The following IGSF9B variants were observed in gnomAD, a reference collection of about 807,000 sequenced individuals.
IGSF9B encodes the protein immunoglobulin superfamily member 9B.
A neutral mutation model predicts 143.7 loss-of-function variants in IGSF9B; 48 were observed. The observed-to-expected ratio is 0.33, with a 90% CI of 0.26 to 0.42. The LOEUF (loss-of-function observed/expected upper bound fraction) is 0.42. IGSF9B is among the 20% of genes least tolerant of loss of function. The pLI, the probability that IGSF9B is intolerant of heterozygous loss-of-function variation, is 1.00. For missense variants in IGSF9B, 1,706 were observed against 1,980.0 expected (o/e 0.86, Z 2.63); for synonymous variants, 903 against 833.1 (o/e 1.08, Z -1.44).
At chr11:133,919,544 G>C (rs1186142771) in intron 18 of IGSF9B, among the ~76,000 whole-genome samples, 198 bp downstream of exon 18, 1 of 152,200 alleles carries the variant, frequency 6.6e-6, no homozygotes, top group Non-Finnish European at 1.5e-5. Context: ...AGGGCACCTG[G>C]GCAGGTGGGC....
chr11:133,934,925 T>G (rs1220742475), intron 7 of IGSF9B, among the ~76,000 whole-genome samples: 1 of 152,114 alleles, frequency 6.6e-6, no homozygotes. Flanking sequence ...CATCCACAAA[T>G]CAAAAGGAAG....
In IGSF9B at chr11:133,908,883, C is replaced by T. The variant is rs1332169492; in HGVS notation, c.*186G>A. 1 of 590,650 alleles carries T rather than the reference C, an allele frequency of 1.7e-6. No individual in the cohort carries two copies. Among genetic ancestry groups the T allele is most frequent in the East Asian group, 2.8e-5 (1 of 35,650 alleles). 36.6% of individuals were successfully genotyped at this position (590,650 alleles called of 1,614,324 possible). On this transcript the variant is annotated 3_prime_UTR_variant, in exon 20 of 20. Coordinates refer to ENST00000533871, the MANE Select transcript of IGSF9B (RefSeq NM_001277285.4). ...TCGACCCACAGGTGGAAGGTGTGCC[C>T]ACCCTCCGTCCTGAAGACAGGCGGC...
In IGSF9B at chr11:133,907,032, C is replaced by G. The variant is rs1000081660; in HGVS notation, c.*2037G>C. 1.3e-5 allele frequency among the ~76,000 whole-genome samples: 2 copies of G among 152,156 alleles called. No individual in the cohort carries two copies. Among genetic ancestry groups the G allele is most frequent in the African/African-American group, 4.8e-5 (2 of 41,438 alleles). On this transcript the variant is annotated 3_prime_UTR_variant, in exon 20 of 20. Transcript: ENST00000533871. ...GCTCTTCCATCTCGCAGAGCTGGTGCCCAGTGGTCAAGTGGATTCCAACGC... is the reference window on the plus strand; with the variant it reads ...GCTCTTCCATCTCGCAGAGCTGGTGGCCAGTGGTCAAGTGGATTCCAACGC...
rs1372403357 is a variant in IGSF9B at position 133,907,865 on chromosome 11, G to A, written c.*1204C>T. Among the ~76,000 whole-genome samples, 1 of 152,224 alleles carries A rather than the reference G, an allele frequency of 6.6e-6. No homozygotes were observed. The highest frequency in any genetic ancestry group is 1.5e-5 in the Non-Finnish European group (1 of 68,028). On this transcript the variant is annotated 3_prime_UTR_variant, in exon 20 of 20. Coordinates refer to ENST00000533871, the MANE Select transcript of IGSF9B (RefSeq NM_001277285.4). ...CCCCTGCAGCTCAGGTCCACCGGAGGACGAAGGCCCCGGGGCAGAGAAGAG... is the reference window on the plus strand; with the variant it reads ...CCCCTGCAGCTCAGGTCCACCGGAGAACGAAGGCCCCGGGGCAGAGAAGAG...
In IGSF9B at chr11:133,931,810, C is replaced by A; in HGVS notation, c.1111-15G>T. 6.2e-7 allele frequency: 1 copy of A among 1,610,406 alleles called. No individual in the cohort carries two copies. Among genetic ancestry groups the A allele is most frequent in the African/African-American group, 1.3e-5 (1 of 74,812 alleles). On this transcript the variant is annotated splice_polypyrimidine_tract_variant and intron_variant, in intron 8 of 19. Coordinates refer to ENST00000533871, the MANE Select transcript of IGSF9B (RefSeq NM_001277285.4). This position sits in a 1 kb window ranked among gnomAD's most constrained non-coding sequence, Gnocchi z 7.7. ...CAACCGAGGTTCTGCCAGACACAGA[C>A]GATAGGGCAGGGAACGCTGGTCAGA...
chr11:133,918,576 C>T (rs893849840), intron 18 of IGSF9B, among the ~76,000 whole-genome samples: 1 of 152,166 alleles, frequency 6.6e-6, no homozygotes, highest in Non-Finnish European at 1.5e-5. Flanking sequence ...AGCCCCGCAC[C>T]CCCTTCCTCG....
In IGSF9B at chr11:133,909,242, A is replaced by G. The variant is rs895993740; in HGVS notation, c.4141T>C (p.Ser1381Pro). ...SASQTQQLPN[S>P]QVLWPDEAVC... Reference sequence around the variant, plus strand: ...GCTTCATCGGGCCACAGAACCTGAGAGTTGGGAAGCTGCTGAGTCTGGGAG... The same window carrying G: ...GCTTCATCGGGCCACAGAACCTGAGGGTTGGGAAGCTGCTGAGTCTGGGAG... The change falls in exon 20 of 20, where the codon TCT (serine) becomes CCT (proline). Residue 1381 changes from serine to proline, a missense_variant. Physicochemically the swap from Ser to Pro is moderately conservative, Grantham distance 74 (BLOSUM62 -1). Transcript: ENST00000533871. The surrounding 1 kb of genome is among the most constrained non-coding windows in gnomAD (Gnocchi z 4.2). 2 of 1,535,746 alleles carry G rather than the reference A, an allele frequency of 1.3e-6. No homozygotes were observed. Among genetic ancestry groups the G allele is most frequent in the Non-Finnish European group, 1.7e-6 (2 of 1,146,746 alleles).
At chr11:133,933,214 A>T (rs1284853117) in intron 7 of IGSF9B, among the ~76,000 whole-genome samples, 3 of 152,076 alleles carry the variant, frequency 2.0e-5, no homozygotes, top group Non-Finnish European at 2.9e-5. Context: ...GGTCCTCTCA[A>T]TGTCCATTTC....
In IGSF9B at chr11:133,907,539, G is replaced by A. The variant is rs369579133; in HGVS notation, c.*1530C>T. ...GGGCTCCTACACAAGAGTGGGGGAG[G>A]GGCAGATCTCCCCTCCACCCCGCCC... On this transcript the variant is annotated 3_prime_UTR_variant, in exon 20 of 20. Transcript: ENST00000533871. Among the ~76,000 whole-genome samples the A allele has an allele frequency of 2.2e-4, 33 of 152,278 alleles. No individual in the cohort carries two copies. In the East Asian group the frequency reaches 6.0e-3, roughly 28 times the overall value.
chr11:133,929,440 C>T (rs1170219261), intron 12 of IGSF9B, among the ~76,000 whole-genome samples: 1 of 152,120 alleles, frequency 6.6e-6, no homozygotes, highest in Non-Finnish European at 1.5e-5. Context: ...ACAGAGAGGC[C>T]CAGACCCCTC....
intron 6 of IGSF9B, 106 bp from the exon 7 acceptor site, chr11:133,935,868 C>G: frequency 6.9e-7 from 1 of 1,452,078 alleles, no homozygotes; most frequent in South Asian, 1.3e-5. Flanking sequence ...AGCCCATGCC[C>G]CTGGCATCCC....
rs1939256569 is a variant in IGSF9B at position 133,908,949 on chromosome 11, G to A, written c.*120C>T. ...GACACCCGCTCTGGCAAAAGAGGGGGCATGCAGGACAAAGGTCTGGGCCGC... is the reference window on the plus strand; with the variant it reads ...GACACCCGCTCTGGCAAAAGAGGGGACATGCAGGACAAAGGTCTGGGCCGC... On this transcript the variant is annotated 3_prime_UTR_variant, in exon 20 of 20. Coordinates refer to ENST00000533871, the MANE Select transcript of IGSF9B (RefSeq NM_001277285.4). 4.9e-6 allele frequency: 4 copies of A among 814,172 alleles called. No individual in the cohort carries two copies. The highest frequency in any genetic ancestry group is 7.7e-6 in the Non-Finnish European group (4 of 521,652). The allele number at this position is 814,172 out of a possible 1,614,324, so 50.4% of individuals were successfully genotyped here.
At chr11:133,952,121 C>T (rs1380945440) in intron 1 of IGSF9B, 1 of 444,994 alleles carries the variant, frequency 2.2e-6, no homozygotes, top group Admixed American at 2.4e-5. Context: ...TCTCCAGAGC[C>T]CTCTTGGAGG....
chr11:133,937,236 G>A (rs912847166), intron 5 of IGSF9B, 140 bp downstream of exon 5: 6 of 597,070 alleles, frequency 1.0e-5, no homozygotes, highest in South Asian at 2.3e-5. Flanking sequence ...CAGCACACAG[G>A]AGCCCCGCAC....
rs181994789 is a variant in IGSF9B at position 133,953,805 on chromosome 11, C to T, written c.64+2886G>A. The stretch of plus-strand genomic sequence containing the variant: ...AACTCCCCCGGGCTGGCTCAGCAGC[C>T]GTCTGAGATACTGAGTGCACACCAA... On this transcript the variant is annotated intron_variant, in intron 1 of 19. Coordinates refer to ENST00000533871, the MANE Select transcript of IGSF9B (RefSeq NM_001277285.4). This position sits in a 1 kb window ranked among gnomAD's most constrained non-coding sequence, Gnocchi z 4.2. Among the ~76,000 whole-genome samples the T allele has an allele frequency of 2.6e-3, 398 of 152,156 alleles. 1 individual carries two copies. The highest frequency in any genetic ancestry group is 6.0e-3 in the Admixed American group (92 of 15,292).
chr11:133,921,537 G>T, intron 17 of IGSF9B, 140 bp from the exon 18 acceptor site: 1 of 620,898 alleles, frequency 1.6e-6, no homozygotes, highest in Non-Finnish European at 2.6e-6. Context: ...GGTGTGAAAT[G>T]CTTTGGCCAA....
rs147076577 is a variant in IGSF9B, at chr11:133,907,607, C to A, written c.*1462G>T. 6.6e-6 allele frequency among the ~76,000 whole-genome samples: 1 copy of A among 152,220 alleles called. No individual in the cohort carries two copies. Among genetic ancestry groups the A allele is most frequent in the Non-Finnish European group, 1.5e-5 (1 of 68,044 alleles). ...GCCCTTGGGCAGCACCATATCTTAC[C>A]GGCAGAGAGACATCTTAGTGGGAAG... On this transcript the variant is annotated 3_prime_UTR_variant, in exon 20 of 20. Coordinates refer to ENST00000533871, the MANE Select transcript of IGSF9B (RefSeq NM_001277285.4).
intron 7 of IGSF9B, 29 bp downstream of exon 7, chr11:133,935,588 C>T (rs753612386): frequency 1.3e-6 from 2 of 1,593,530 alleles, no homozygotes; most frequent in Non-Finnish European, 1.7e-6. Context: ...GGAGCCCCAC[C>T]ACCCAGGCTC....
At chr11:133,947,735 TC>T (rs1940080766) in intron 1 of IGSF9B, among the ~76,000 whole-genome samples, 1 of 151,642 alleles carries the variant, frequency 6.6e-6, no homozygotes, top group Admixed American at 6.6e-5. Context: ...TCTCTCTCTC[TC>T]TCTCGCATCT....
Sources: gnomAD v4.1 joint callset for allele counts (sites outside exome capture counted in the v4.1 genomes callset) on GRCh38, gnomAD v4.1.1 for gene constraint, Gnocchi (gnomAD v3.1) non-coding constraint, MANE v1.5 for transcripts, NCBI Gene and HGNC (gene_info 2026-07-23, HGNC 2026-07-21) for gene names.